Variants in CD96 observed in about 807,000 individuals in gnomAD.
CD96 encodes CD96 molecule.
A neutral mutation model predicts 71.3 loss-of-function variants in CD96; 70 were observed. The ratio of observed to expected loss-of-function variants is 0.98; its 90% CI spans 0.81 to 1.20. The LOEUF (loss-of-function observed/expected upper bound fraction) is 1.20, where lower values mean the gene tolerates loss of function less well. Among genes scored for constraint, CD96 ranks in the 50% most tolerant of loss-of-function variants. CD96 has a pLI of 0.00. For missense variants in CD96, 742 were observed against 677.5 expected, an observed-to-expected ratio of 1.10 and a Z score of -1.06; for synonymous variants, 248 against 233.0, an observed-to-expected ratio of 1.06 and a Z score of -0.59.
chr3:111,579,147 A>G lies in CD96; in HGVS notation c.664A>G (p.Ile222Val). ...DYRLHLSPVQ[I>V]FDDGRKFSCH... The stretch of plus-strand genomic sequence containing the variant: ...CAGACTCCACCTCTCTCCAGTCCAA[A>G]TCTTCGATGATGGGCGGAAGTTCTC... The change falls in exon 4 of 14, where the codon ATC becomes GTC. Residue 222 changes from isoleucine (I) to valine (V), a missense_variant. Ile to Val is a conservative substitution (Grantham distance 29, BLOSUM62 3). Transcript: ENST00000352690. 6.2e-7 allele frequency: 1 copy of G among 1,606,600 alleles called. No individual in the cohort carries two copies. Among genetic ancestry groups the G allele is most frequent in the Non-Finnish European group, 8.5e-7 (1 of 1,173,100 alleles).
At position 111,608,211 on chromosome 3, in the gene CD96, T is replaced by C. The variant is rs1937721859; in HGVS notation, c.1180+1419T>C. Among the ~76,000 whole-genome samples, 3 of 152,228 alleles carry C rather than the reference T, an allele frequency of 2.0e-5. No individual in the cohort carries two copies. The South Asian group carries it at 6.2e-4, about 31-fold the overall frequency. ...GTTCCTCAGCACATGGTCTTCTCTA[T>C]AGCTCTGCATACAATATGGCAGTTG... On this transcript the variant is annotated intron_variant, in intron 8 of 13. Coordinates refer to ENST00000352690, the MANE Select transcript of CD96 (RefSeq NM_005816.5).
At chr3:111,577,284 T>G (rs1361080386) in intron 3 of CD96, among the ~76,000 whole-genome samples, 2 of 152,202 alleles carry the variant, frequency 1.3e-5, no homozygotes, top group Non-Finnish European at 2.9e-5. Context: ...TCTAAAATCC[T>G]GACACACAAA....
At chr3:111,606,601 A>C in intron 7 of CD96, 99 bp from the exon 8 acceptor site, 1 of 734,952 alleles carries the variant, frequency 1.4e-6, no homozygotes, top group Non-Finnish European at 2.5e-6. Flanking sequence ...TTGTTACATG[A>C]TGAATAAATA....
At chr3:111,548,392 A>G (rs1934524916) in intron 2 of CD96, among the ~76,000 whole-genome samples, 1 of 152,130 alleles carries the variant, frequency 6.6e-6, no homozygotes, top group South Asian at 2.1e-4. Flanking sequence ...GAGATTGTGG[A>G]CAAGAGTGGA....
chr3:111,598,514 A>C (rs891400878), intron 6 of CD96, among the ~76,000 whole-genome samples: 2 of 152,240 alleles, frequency 1.3e-5, no homozygotes, highest in Non-Finnish European at 2.9e-5. Context: ...AAGTCTACAT[A>C]TATTTATTAA....
rs371515996 is a variant in CD96 at position 111,649,505 on chromosome 3, G to A, written c.1602-193G>A. On this transcript the variant is annotated intron_variant, in intron 13 of 13. Transcript: ENST00000352690. ...AATTCTTTGCAAACTACAAAATACC[G>A]TATAGATCATGAGGTTCAAATGTGA... 9.9e-5 allele frequency among the ~76,000 whole-genome samples: 15 copies of A among 152,254 alleles called. No individual in the cohort carries two copies. The South Asian group carries it at 1.9e-3, about 19-fold the overall frequency.
chr3:111,658,076 A>C (rs1036990230), intron 14 of CD96, among the ~76,000 whole-genome samples: 4 of 152,216 alleles, frequency 2.6e-5, no homozygotes, highest in African/African-American at 9.6e-5. Flanking sequence ...GCTGAAAGGA[A>C]CTGAACTCAG....
intron 4 of CD96, among the ~76,000 whole-genome samples, chr3:111,583,946 C>T (rs1263924313): frequency 2.0e-5 from 3 of 152,214 alleles, no homozygotes; most frequent in Non-Finnish European, 2.9e-5. Flanking sequence ...CAAATTTCGG[C>T]AGCCAGCTTG....
At chr3:111,595,503 A>G (rs2107635104) in intron 5 of CD96, 1 of 152,238 alleles carries the variant, frequency 6.6e-6, no homozygotes. Flanking sequence ...TTAGACACAG[A>G]TGCAAACCTT....
intron 2 of CD96, among the ~76,000 whole-genome samples, chr3:111,556,310 C>T (rs1314033872): frequency 6.8e-6 from 1 of 146,328 alleles, no homozygotes; most frequent in Non-Finnish European, 1.5e-5. Context: ...CCCACTAACT[C>T]GTCATCTAGC....
chr3:111,571,071 T>C, intron 3 of CD96: 1 of 946,056 alleles, frequency 1.1e-6, no homozygotes. Flanking sequence ...GGGTAGGAGG[T>C]AGGTCAAGTG....
Position 111,650,053 on chromosome 3 carries a change from T to A in CD96, c.*247T>A. 2.0e-6 allele frequency: 1 copy of A among 504,300 alleles called. No homozygotes were observed. Among genetic ancestry groups the A allele is most frequent in the South Asian group, 2.1e-5 (1 of 48,736 alleles). 31.2% of individuals were successfully genotyped at this position (504,300 alleles called of 1,614,324 possible). A position where few individuals can be genotyped will look rare whatever the true frequency, so the allele number is the denominator to read the frequency against. On this transcript the variant is annotated 3_prime_UTR_variant, in exon 14 of 14. Transcript: ENST00000352690. Reference sequence around the variant, plus strand: ...CAATTCGTAGTGGTTTTCTTGCTTATGTAAGAAGTACATATTAGTCTGCCA... The same window carrying A: ...CAATTCGTAGTGGTTTTCTTGCTTAAGTAAGAAGTACATATTAGTCTGCCA...
At chr3:111,628,966 G>C (rs1938922406) in intron 10 of CD96, among the ~76,000 whole-genome samples, 1 of 152,152 alleles carries the variant, frequency 6.6e-6, no homozygotes, top group Non-Finnish European at 1.5e-5. Flanking sequence ...CAAATGCTGA[G>C]AGAATGCATT....
chr3:111,593,286 G>C (rs1937080692), intron 5 of CD96: 1 of 360,412 alleles, frequency 2.8e-6, no homozygotes, highest in African/African-American at 2.1e-5. Context: ...ACAACTCACA[G>C]AGTTTTACTT....
chr3:111,624,904 C>CTCT (rs1938674793), intron 10 of CD96, among the ~76,000 whole-genome samples: 1 of 152,240 alleles, frequency 6.6e-6, no homozygotes, highest in South Asian at 2.1e-4. Flanking sequence ...GCAGTAGAGT[C>CTCT]TGTAAGTGCT....
At chr3:111,570,621 A>G in intron 3 of CD96, 2 of 1,586,544 alleles carry the variant, frequency 1.3e-6, no homozygotes, top group Non-Finnish European at 1.7e-6. Context: ...GTGAGACACC[A>G]GGCGCATGGC....
intron 2 of CD96, among the ~76,000 whole-genome samples, chr3:111,559,112 G>T (rs1935243513): frequency 6.6e-6 from 1 of 150,392 alleles, no homozygotes. Context: ...TTCTTTATTA[G>T]TCTTGCTAGC....
intron 10 of CD96, among the ~76,000 whole-genome samples, chr3:111,630,572 C>T (rs1403571126): frequency 6.6e-6 from 1 of 152,092 alleles, no homozygotes; most frequent in Non-Finnish European, 1.5e-5. Flanking sequence ...TGGATTCTAC[C>T]AGAGGAACAA....
At chr3:111,602,022 C>T (rs1200838265) in intron 7 of CD96, among the ~76,000 whole-genome samples, 1 of 152,180 alleles carries the variant, frequency 6.6e-6, no homozygotes, top group African/African-American at 2.4e-5. Flanking sequence ...GTTAATCATT[C>T]AGAAATTGTG....
Sources: allele counts gnomAD v4.1 joint callset (sites outside exome capture counted in the v4.1 genomes callset), GRCh38; gene constraint gnomAD v4.1.1; transcripts MANE v1.5; gene names NCBI Gene and HGNC (gene_info 2026-07-23, HGNC 2026-07-21).